XPR1: variants seen among roughly 807,000 people sequenced by gnomAD.
The protein encoded by XPR1 is xenotropic and polytropic retrovirus receptor 1, also known as solute carrier family 53 member 1.
Under a neutral mutation model 87.5 loss-of-function variants are expected in XPR1, and 28 were observed. That is an observed-to-expected ratio of 0.32 (90% CI 0.24 to 0.44). The LOEUF (loss-of-function observed/expected upper bound fraction) is 0.44. Among genes scored for constraint, XPR1 ranks in the 20% least tolerant of loss-of-function variants. XPR1 has a pLI of 1.00. For missense variants in XPR1, 559 were observed against 862.3 expected, an observed-to-expected ratio of 0.65 and a Z score of 4.41; for synonymous variants, 300 against 306.1, an observed-to-expected ratio of 0.98 and a Z score of 0.21.
intron 2 of XPR1, among the ~76,000 whole-genome samples, chr1:180,704,814 G>GTTTT (rs567903048): frequency 0.011 from 585 of 51,614 alleles, 13 homozygotes; most frequent in Middle Eastern, 0.024. Context: ...ACTGTTGGTT[G>GTTTT]TTTTTTTTTT....
At chr1:180,634,105 A>G (rs1372482431) in intron 1 of XPR1, among the ~76,000 whole-genome samples, 3 of 152,216 alleles carry the variant, frequency 2.0e-5, no homozygotes, top group Non-Finnish European at 4.4e-5. Context: ...GGAGAACCAC[A>G]TTGATTCTGG....
At chr1:180,798,600 T>C (rs1256746795) in intron 3 of XPR1, among the ~76,000 whole-genome samples, 1 of 152,118 alleles carries the variant, frequency 6.6e-6, no homozygotes, top group Non-Finnish European at 1.5e-5. Context: ...CTTTTATTAA[T>C]TGCTGTAGGG....
At chr1:180,833,756 C>T (rs1280085055) in intron 9 of XPR1, among the ~76,000 whole-genome samples, 1 of 152,136 alleles carries the variant, frequency 6.6e-6, no homozygotes, top group Non-Finnish European at 1.5e-5. Flanking sequence ...TTTTTAACTG[C>T]ATTTAAAAAT....
intron 2 of XPR1, among the ~76,000 whole-genome samples, chr1:180,692,574 G>T (rs539574967): frequency 6.6e-6 from 1 of 152,170 alleles, no homozygotes; most frequent in East Asian, 1.9e-4. Context: ...TTTGTATTAT[G>T]AAAATGACAG....
At chr1:180,656,107 T>A (rs1466042861) in intron 1 of XPR1, among the ~76,000 whole-genome samples, 2 of 151,196 alleles carry the variant, frequency 1.3e-5, no homozygotes, top group African/African-American at 4.9e-5. Flanking sequence ...CCAATACCCT[T>A]CTGAGCCCCT....
At chr1:180,836,926 C>T (rs752551749) in intron 11 of XPR1, among the ~76,000 whole-genome samples, 1 of 152,170 alleles carries the variant, frequency 6.6e-6, no homozygotes, top group Non-Finnish European at 1.5e-5. Context: ...GAAGCACAGT[C>T]ACCCAGAATA....
At chr1:180,805,381 A>G (rs1261689860) in intron 4 of XPR1, among the ~76,000 whole-genome samples, 1 of 152,236 alleles carries the variant, frequency 6.6e-6, no homozygotes, top group Non-Finnish European at 1.5e-5. Context: ...ACAATTTGAG[A>G]TGTTGAAATG....
In XPR1 at chr1:180,884,154, G is replaced by A. The variant is rs1571259536; in HGVS notation, c.*88G>A. ...CGCAACCTCTAGTACCTTTCCAGCC[G>A]AAAACAGGAGAAAACACATAACACA... On this transcript the variant is annotated 3_prime_UTR_variant, in exon 15 of 15. Coordinates refer to ENST00000367590, the MANE Select transcript of XPR1 (RefSeq NM_004736.4). The A allele has an allele frequency of 1.0e-5, 11 of 1,070,576 alleles. No homozygotes were observed. Among genetic ancestry groups the A allele is most frequent in the South Asian group, 4.7e-5 (3 of 63,658 alleles). The allele number at this position is 1,070,576 out of a possible 1,614,324, so 66.3% of individuals were successfully genotyped here.
rs1395860414 is a variant in XPR1, at chr1:180,887,380, A to G, written c.*3314A>G. The G allele has an allele frequency of 6.6e-6, 1 of 152,180 alleles. No homozygotes were observed. Among genetic ancestry groups the G allele is most frequent in the Non-Finnish European group, 1.5e-5 (1 of 68,032 alleles). The allele number at this position is 152,180 out of a possible 1,614,324, so 9.4% of individuals were successfully genotyped here. A position where few individuals can be genotyped will look rare whatever the true frequency, so the allele number is the denominator to read the frequency against. ...TAAAACTCATTTTTCATTTTATGGT[A>G]GTATAGAAAGCATTGATGTGTGTAG... On this transcript the variant is annotated 3_prime_UTR_variant, in exon 15 of 15. Transcript: ENST00000367590.
chr1:180,717,630 T>C (rs1658044027), intron 2 of XPR1, among the ~76,000 whole-genome samples: 1 of 152,202 alleles, frequency 6.6e-6, no homozygotes. Flanking sequence ...TTTCAAAATA[T>C]GTTTTTAGAG....
chr1:180,736,873 G>GA (rs1382683129), intron 2 of XPR1, among the ~76,000 whole-genome samples: 2 of 152,112 alleles, frequency 1.3e-5, no homozygotes, highest in East Asian at 3.9e-4. Context: ...CTGACAGGCC[G>GA]AAAAAAGAGG....
At chr1:180,666,085 G>A (rs1371778829) in intron 1 of XPR1, among the ~76,000 whole-genome samples, 2 of 152,242 alleles carry the variant, frequency 1.3e-5, no homozygotes, top group East Asian at 3.9e-4. Context: ...GGGTGATCTT[G>A]GCACCCTCAT....
intron 9 of XPR1, among the ~76,000 whole-genome samples, chr1:180,827,064 G>C (rs1285734239): frequency 3.4e-5 from 5 of 146,254 alleles, no homozygotes; most frequent in Non-Finnish European, 7.4e-5. Flanking sequence ...TGAGGCAGGA[G>C]AATCGCTTGA....
chr1:180,778,254 G>C (rs1031841621), intron 2 of XPR1, among the ~76,000 whole-genome samples: 1 of 152,228 alleles, frequency 6.6e-6, no homozygotes, highest in Non-Finnish European at 1.5e-5. Context: ...AAAGCACTGG[G>C]ATTACAGGCA....
chr1:180,693,952 A>G (rs1043595900), intron 2 of XPR1, among the ~76,000 whole-genome samples: 1 of 152,070 alleles, frequency 6.6e-6, no homozygotes, highest in Admixed American at 6.5e-5. Flanking sequence ...TCTTAAAAAA[A>G]TTTTTGTTGT....
intron 1 of XPR1, among the ~76,000 whole-genome samples, chr1:180,671,165 T>A (rs1339141986): frequency 1.3e-5 from 2 of 152,194 alleles, no homozygotes; most frequent in African/African-American, 4.8e-5. Context: ...TTCTTTGTGT[T>A]TTAGAGGCCA....
At position 180,834,960 on chromosome 1, in the gene XPR1, G is replaced by A; in HGVS notation, c.1221G>A (p.Leu407=). The change falls in exon 10 of 15, where the codon CTG becomes CTA. Residue 407 remains leucine (L), a synonymous_variant. Transcript: ENST00000367590. ...AGCTGAACAGCCTGTCAGTGATACT[G>A]ATGGACCTGGAATATATGATCTGCT... ...ADQLNSLSVI[L]MDLEYMICFY... The A allele has an allele frequency of 6.2e-7, 1 of 1,614,044 alleles. No individual in the cohort carries two copies. Among genetic ancestry groups the A allele is most frequent in the Non-Finnish European group, 8.5e-7 (1 of 1,180,002 alleles).
At chr1:180,812,944 C>G (rs751002410) in intron 7 of XPR1, among the ~76,000 whole-genome samples, 4 of 152,018 alleles carry the variant, frequency 2.6e-5, no homozygotes, top group Admixed American at 6.6e-5. Flanking sequence ...CCACCGCGCC[C>G]GGCCAGCAGC....
In XPR1 at chr1:180,825,200, C is replaced by T; in HGVS notation, c.990C>T (p.Ser330=). The change falls in exon 9 of 15, where the codon AGC becomes AGT. Residue 330 remains serine (S), a synonymous_variant. Transcript: ENST00000367590. ...AGFLGILWCL[S]LLACFFAPIS... ...TCCTCGGGATATTGTGGTGCCTGAG[C>T]CTTCTGGCATGCTTCTTTGCTCCAA... 1 of 1,613,548 alleles carries T rather than the reference C, an allele frequency of 6.2e-7. No individual in the cohort carries two copies. The highest frequency in any genetic ancestry group is 8.5e-7 in the Non-Finnish European group (1 of 1,179,788).
Sources: gnomAD v4.1 joint callset for allele counts (sites outside exome capture counted in the v4.1 genomes callset) on GRCh38, gnomAD v4.1.1 for gene constraint, MANE v1.5 for transcripts, NCBI Gene and HGNC (gene_info 2026-07-23, HGNC 2026-07-21) for gene names.